The following SLC19A3 variants were observed in gnomAD, a reference collection of about 807,000 sequenced individuals.
The protein encoded by SLC19A3 is thiamine transporter 2.
SLC19A3 carries 31 observed loss-of-function variants against 40.2 expected under a neutral mutation model. The observed-to-expected ratio is 0.77, with a 90% CI of 0.58 to 1.04. The LOEUF (loss-of-function observed/expected upper bound fraction) is 1.04. Ranked by LOEUF, SLC19A3 falls within the 50% of genes least tolerant of loss-of-function variation. SLC19A3 has a pLI of 0.00. For missense variants in SLC19A3, 592 were observed against 596.7 expected (o/e 0.99, Z 0.08); for synonymous variants, 212 against 227.5 (o/e 0.93, Z 0.61).
In SLC19A3 at chr2:227,699,071, G is replaced by A. The variant is rs1037546626; in HGVS notation, c.644C>T (p.Pro215Leu). Residue 215 changes from proline (P) to leucine (L), a missense_variant, in exon 3 of 6, where the codon CCA becomes CTA. Transcript: ENST00000644224. ...REIKKSSSVN[P>L]VLEETHEGEA... is the part of the protein sequence containing the mutation. The stretch of plus-strand genomic sequence containing the variant: ...ACCTTCGTGAGTTTCCTCTAATACT[G>A]GATTCACGCTTGATGACTTCTTTAT... 5.6e-6 allele frequency: 9 copies of A among 1,614,130 alleles called. No individual in the cohort carries two copies. The highest frequency in any genetic ancestry group is 7.6e-6 in the Non-Finnish European group (9 of 1,180,008).
chr2:227,711,405 G>C (rs556406478), intron 1 of SLC19A3, among the ~76,000 whole-genome samples: 1 of 147,960 alleles, frequency 6.8e-6, no homozygotes, highest in Non-Finnish European at 1.5e-5. Flanking sequence ...GGGTGACAGA[G>C]CGAGACTCTG....
rs760162924 is a variant in SLC19A3 at position 227,688,180 on chromosome 2, G to A, written c.1300C>T (p.Pro434Ser). 50 of 1,613,916 alleles carry A rather than the reference G, an allele frequency of 3.1e-5. No homozygotes were observed. Among genetic ancestry groups the A allele is most frequent in the Non-Finnish European group, 4.0e-5 (47 of 1,179,952 alleles). The change falls in exon 5 of 6, where the codon CCA (proline) becomes TCA (serine). Residue 434 changes from proline to serine, a missense_variant. Coordinates refer to ENST00000644224, the MANE Select transcript of SLC19A3 (RefSeq NM_025243.4). ...TTGCAGCTTACCTGAATGCTGACTG[G>A]CAAGTTGAGCCCTCTCTGATCTACT... The part of the protein sequence containing the change: ...IVVDQRGLNL[P>S]VSIQFLVYGS...
chr2:227,716,891 T>C (rs944107850), intron 1 of SLC19A3, among the ~76,000 whole-genome samples: 2 of 152,106 alleles, frequency 1.3e-5, no homozygotes, highest in Admixed American at 1.3e-4. Context: ...TGGGAAGTTA[T>C]GTTTTGGTCT....
At chr2:227,690,738 A>G (rs1695195007) in intron 4 of SLC19A3, among the ~76,000 whole-genome samples, 1 of 147,030 alleles carries the variant, frequency 6.8e-6, no homozygotes, top group Non-Finnish European at 1.5e-5. Flanking sequence ...AAAAAATTGT[A>G]AATTTTTTTT....
intron 1 of SLC19A3, among the ~76,000 whole-genome samples, chr2:227,704,489 A>G (rs1471532109): frequency 6.6e-6 from 1 of 152,242 alleles, no homozygotes; most frequent in East Asian, 1.9e-4. Context: ...GTCACTGGAT[A>G]GATGGGGAAA....
At chr2:227,712,448 C>T (rs150290014) in intron 1 of SLC19A3, among the ~76,000 whole-genome samples, 6 of 152,270 alleles carry the variant, frequency 3.9e-5, no homozygotes, top group Non-Finnish European at 7.4e-5. Flanking sequence ...TGCAAAGATA[C>T]TCAACATAAG....
At position 227,699,338 on chromosome 2, in the gene SLC19A3, T is replaced by C; in HGVS notation, c.377A>G (p.Tyr126Cys). The change falls in exon 3 of 6, where the codon TAC becomes TGC. Residue 126 changes from tyrosine (Y) to cysteine (C), a missense_variant. Coordinates refer to ENST00000644224, the MANE Select transcript of SLC19A3 (RefSeq NM_025243.4). ...CTCGGGGCTGACCACGCTGTATATG[T>C]AGGCGTAGTAGGCCACCTCGGCGGC... ...VTAAEVAYYA[Y>C]IYSVVSPEHY... 1 of 1,614,186 alleles carries C rather than the reference T, an allele frequency of 6.2e-7. No homozygotes were observed. The highest frequency in any genetic ancestry group is 1.1e-5 in the South Asian group (1 of 91,080).
At chr2:227,704,140 G>T (rs1386026829) in intron 1 of SLC19A3, among the ~76,000 whole-genome samples, 1 of 152,162 alleles carries the variant, frequency 6.6e-6, no homozygotes, top group Non-Finnish European at 1.5e-5. Flanking sequence ...AACCACTACA[G>T]TCTACTTGAA....
At chr2:227,714,622 C>A in intron 1 of SLC19A3, 2 of 982,954 alleles carry the variant, frequency 2.0e-6, no homozygotes, top group Non-Finnish European at 2.4e-6. Flanking sequence ...TAGCTTTATA[C>A]GCAGAAGCCC....
rs1201549657 is a variant in SLC19A3 at position 227,687,578 on chromosome 2, A to AG, written c.1315-6dup. On this transcript the variant is annotated splice_polypyrimidine_tract_variant and splice_region_variant and intron_variant, in intron 5 of 5. Transcript: ENST00000644224. ...ATAGCTCCCATAAACTAAAAACTGG[A>AG]GAAAAACAAATAATTAGCCACATAT... 1.2e-6 allele frequency: 2 copies of AG among 1,613,446 alleles called. No homozygotes were observed.
At chr2:227,716,637 C>T (rs1696344847) in intron 1 of SLC19A3, among the ~76,000 whole-genome samples, 1 of 152,178 alleles carries the variant, frequency 6.6e-6, no homozygotes, top group Non-Finnish European at 1.5e-5. Flanking sequence ...TCCACTTCTG[C>T]TGGATGCTCT....
At position 227,703,746 on chromosome 2, in the gene SLC19A3, G is replaced by A. The variant is rs185495179; in HGVS notation, c.-2-1426C>T. Among the ~76,000 whole-genome samples the A allele has an allele frequency of 8.9e-4, 135 of 152,216 alleles. 2 individuals are homozygous for A. The East Asian group carries it at 0.023, about 26-fold the overall frequency. On this transcript the variant is annotated intron_variant, in intron 1 of 5. Coordinates refer to ENST00000644224, the MANE Select transcript of SLC19A3 (RefSeq NM_025243.4). This position sits in a 1 kb window ranked among gnomAD's most constrained non-coding sequence, Gnocchi z 4.7. ...CACTGAGGCTTGGTCATCTTCTGAA[G>A]AGTGGTCTTGCTGGGGTAGCATCTG...
intron 5 of SLC19A3, 104 bp from the exon 6 acceptor site, chr2:227,687,677 AC>A: frequency 1.6e-6 from 2 of 1,231,440 alleles, no homozygotes; most frequent in Non-Finnish European, 2.3e-6. Context: ...GGTAACTGAG[AC>A]CCAGGTTTTT....
At position 227,684,003 on chromosome 2, in the gene SLC19A3, T is replaced by C. The variant is rs1407142424; in HGVS notation, c.*3394A>G. 6.6e-6 allele frequency: 1 copy of C among 152,284 alleles called. No individual in the cohort carries two copies. The highest frequency in any genetic ancestry group is 1.5e-5 in the Non-Finnish European group (1 of 68,096). 9.4% of individuals were successfully genotyped at this position (152,284 alleles called of 1,614,324 possible). Reference sequence around the variant, plus strand: ...TTGTAGAGACAGGGTTTTGCCATGTTGCCTAGGCTGGTTTTGAACTCCTGA... The same window carrying C: ...TTGTAGAGACAGGGTTTTGCCATGTCGCCTAGGCTGGTTTTGAACTCCTGA... On this transcript the variant is annotated 3_prime_UTR_variant, in exon 6 of 6. Coordinates refer to ENST00000644224, the MANE Select transcript of SLC19A3 (RefSeq NM_025243.4).
At chr2:227,708,599 AAAC>A (rs561644060) in intron 1 of SLC19A3, among the ~76,000 whole-genome samples, 2 of 141,484 alleles carry the variant, frequency 1.4e-5, no homozygotes, top group African/African-American at 5.2e-5. Context: ...CAAACCAAAA[AAAC>A]AACAAAAAAA....
chr2:227,711,613 G>A lies in SLC19A3; in HGVS notation c.-3+6330C>T, dbSNP rs527774301. Reference sequence around the variant, plus strand: ...ATAACAAATACTAACACCACAGCATGCCATCCAGAAGGAAACAGATCTTCG... The same window carrying A: ...ATAACAAATACTAACACCACAGCATACCATCCAGAAGGAAACAGATCTTCG... On this transcript the variant is annotated intron_variant, in intron 1 of 5. Coordinates refer to ENST00000644224, the MANE Select transcript of SLC19A3 (RefSeq NM_025243.4). Among the ~76,000 whole-genome samples, 6 of 151,966 alleles carry A rather than the reference G, an allele frequency of 3.9e-5. No homozygotes were observed. The South Asian group carries it at 1.2e-3, about 32-fold the overall frequency.
intron 4 of SLC19A3, among the ~76,000 whole-genome samples, chr2:227,688,861 C>T (rs1695119093): frequency 6.6e-6 from 1 of 151,942 alleles, no homozygotes; most frequent in Non-Finnish European, 1.5e-5. Context: ...TAAGAAAACG[C>T]AAAGAAATTC....
chr2:227,690,936 A>T (rs1695203326), intron 4 of SLC19A3, among the ~76,000 whole-genome samples: 1 of 152,162 alleles, frequency 6.6e-6, no homozygotes, highest in Admixed American at 6.5e-5. Flanking sequence ...ATAGATATTT[A>T]CAGAACTTTT....
Position 227,686,337 on chromosome 2 carries a change from G to T in SLC19A3, c.*1060C>A. 3.5e-6 allele frequency: 1 copy of T among 286,164 alleles called. No individual in the cohort carries two copies. Among genetic ancestry groups the T allele is most frequent in the Non-Finnish European group, 7.1e-6 (1 of 141,764 alleles). The allele number at this position is 286,164 out of a possible 1,614,324, so 17.7% of individuals were successfully genotyped here. On this transcript the variant is annotated 3_prime_UTR_variant, in exon 6 of 6. Coordinates refer to ENST00000644224, the MANE Select transcript of SLC19A3 (RefSeq NM_025243.4). Reference sequence around the variant, plus strand: ...CAGGTGCTCTTTTTTGGGAGGAGGGGGATGAGAGTCTTACTCTGTTGCCCA... The same window carrying T: ...CAGGTGCTCTTTTTTGGGAGGAGGGTGATGAGAGTCTTACTCTGTTGCCCA...
Sources: allele counts gnomAD v4.1 joint callset (sites outside exome capture counted in the v4.1 genomes callset), GRCh38; gene constraint gnomAD v4.1.1; non-coding constraint Gnocchi (gnomAD v3.1); transcripts MANE v1.5; gene names NCBI Gene and HGNC (gene_info 2026-07-23, HGNC 2026-07-21).